Variants in PCSK5 observed in about 807,000 individuals in gnomAD.
PCSK5 encodes prohormone convertase 5.
PCSK5 carries 129 observed loss-of-function variants against 233.2 expected under a neutral mutation model. The ratio of observed to expected loss-of-function variants is 0.55; its 90% CI spans 0.48 to 0.64. PCSK5 has a LOEUF of 0.64. Among genes scored for constraint, PCSK5 ranks in the 30% least tolerant of loss-of-function variants. PCSK5 has a pLI of 0.00. For missense variants in PCSK5, 2,076 were observed against 2,430.1 expected (o/e 0.85, Z 3.06); for synonymous variants, 825 against 879.2 (o/e 0.94, Z 1.09).
At chr9:76,096,149 A>T (rs1831498052) in intron 8 of PCSK5, 47 bp downstream of exon 8, 2 of 1,206,916 alleles carry the variant, frequency 1.7e-6, no homozygotes, top group East Asian at 2.4e-5. Flanking sequence ...TTTAATGTTC[A>T]CTTTGAAATA....
At chr9:75,966,897 A>C (rs1398345943) in intron 2 of PCSK5, among the ~76,000 whole-genome samples, 1 of 152,092 alleles carries the variant, frequency 6.6e-6, no homozygotes, top group East Asian at 1.9e-4. Flanking sequence ...ACCCTTAAGC[A>C]CTTTATGTTA....
chr9:76,320,698 T>C (rs1229367254), intron 30 of PCSK5, among the ~76,000 whole-genome samples: 2 of 151,748 alleles, frequency 1.3e-5, no homozygotes, highest in Non-Finnish European at 2.9e-5. Context: ...AGTCTCAAAC[T>C]CCTGATCTCA....
intron 3 of PCSK5, among the ~76,000 whole-genome samples, chr9:76,000,819 G>A (rs1369954433): frequency 2.0e-5 from 3 of 152,000 alleles, no homozygotes; most frequent in Non-Finnish European, 4.4e-5. Flanking sequence ...TGTGACCCCA[G>A]TATATTCTTT....
chr9:76,169,212 T>C (rs1823222846), intron 12 of PCSK5, among the ~76,000 whole-genome samples: 1 of 152,218 alleles, frequency 6.6e-6, no homozygotes, highest in African/African-American at 2.4e-5. Flanking sequence ...TTATGAACAT[T>C]CATATGAAGT....
chr9:76,029,677 T>G (rs143222465), intron 5 of PCSK5, among the ~76,000 whole-genome samples: 1 of 152,292 alleles, frequency 6.6e-6, no homozygotes, highest in East Asian at 1.9e-4. Flanking sequence ...CTAATACCTA[T>G]GAGTTGGGTA....
chr9:76,053,143 G>A (rs1043080876), intron 5 of PCSK5, among the ~76,000 whole-genome samples: 1 of 152,200 alleles, frequency 6.6e-6, no homozygotes, highest in Non-Finnish European at 1.5e-5. Context: ...GGTGCAAGCT[G>A]TCAGTGTATC....
intron 25 of PCSK5, among the ~76,000 whole-genome samples, chr9:76,294,127 G>T (rs2131410781): frequency 6.6e-6 from 1 of 151,972 alleles, no homozygotes; most frequent in South Asian, 2.1e-4. Context: ...AACCCAGGAG[G>T]TGGAGGTGGC....
At chr9:76,319,236 G>A (rs1290554239) in intron 30 of PCSK5, among the ~76,000 whole-genome samples, 1 of 152,096 alleles carries the variant, frequency 6.6e-6, no homozygotes, top group Non-Finnish European at 1.5e-5. Flanking sequence ...AGGCCAAGGT[G>A]GGCGGATCAC....
chr9:76,231,893 G>A (rs763213730), intron 21 of PCSK5, among the ~76,000 whole-genome samples: 7 of 152,140 alleles, frequency 4.6e-5, no homozygotes, highest in Non-Finnish European at 7.4e-5. Flanking sequence ...ATGGTGCTGC[G>A]GATGGTTAAC....
intron 30 of PCSK5, among the ~76,000 whole-genome samples, chr9:76,311,869 G>A (rs906688969): frequency 2.0e-5 from 3 of 152,070 alleles, no homozygotes; most frequent in African/African-American, 4.8e-5. Flanking sequence ...CTCCAGACAC[G>A]GTCACCCCAT....
chr9:76,358,020 G>C (rs1326739527), intron 37 of PCSK5, among the ~76,000 whole-genome samples: 1 of 152,180 alleles, frequency 6.6e-6, no homozygotes, highest in Non-Finnish European at 1.5e-5. Flanking sequence ...ATTTTCTTAG[G>C]AGGGAAATAG....
chr9:76,353,279 A>G (rs1228857039), intron 36 of PCSK5, among the ~76,000 whole-genome samples: 6 of 152,188 alleles, frequency 3.9e-5, no homozygotes, highest in Non-Finnish European at 8.8e-5. Context: ...GTCAAGGAGC[A>G]ACTTGTCGGG....
chr9:76,198,467 C>T (rs1020738205), intron 20 of PCSK5, among the ~76,000 whole-genome samples: 4 of 152,146 alleles, frequency 2.6e-5, no homozygotes, highest in African/African-American at 9.7e-5. Context: ...GGCCGATAGA[C>T]ATTCATTTTC....
chr9:76,064,586 C>A (rs376323136), intron 5 of PCSK5, among the ~76,000 whole-genome samples: 1 of 143,966 alleles, frequency 6.9e-6, no homozygotes, highest in East Asian at 2.2e-4. Context: ...GGGTGGCTGC[C>A]GGGCGGAGAG....
chr9:76,082,963 C>G (rs1045205099), intron 7 of PCSK5, among the ~76,000 whole-genome samples: 32 of 152,004 alleles, frequency 2.1e-4, no homozygotes, highest in African/African-American at 6.3e-4. Context: ...TATAACAGCA[C>G]TCTGGGAGGC....
chr9:76,084,471 G>A (rs1233269884), intron 7 of PCSK5, among the ~76,000 whole-genome samples: 1 of 152,170 alleles, frequency 6.6e-6, no homozygotes, highest in Non-Finnish European at 1.5e-5. Context: ...AAATCCCTCT[G>A]TTAGACTATT....
intron 10 of PCSK5, among the ~76,000 whole-genome samples, chr9:76,138,272 T>C (rs567149380): frequency 6.6e-6 from 1 of 152,182 alleles, no homozygotes; most frequent in Non-Finnish European, 1.5e-5. Context: ...CCAGGTCATG[T>C]TAGATAAGTG....
chr9:76,138,107 A>C (rs1026218570), intron 10 of PCSK5, among the ~76,000 whole-genome samples: 4 of 152,200 alleles, frequency 2.6e-5, no homozygotes, highest in African/African-American at 9.6e-5. Flanking sequence ...ATGCCAACCC[A>C]ACACATGTTG....
chr9:76,175,556 A>G, intron 14 of PCSK5: 1 of 240,064 alleles, frequency 4.2e-6, no homozygotes, highest in Non-Finnish European at 7.9e-6. Context: ...AAACATCATT[A>G]TTTATCAATC....
Sources: allele counts gnomAD v4.1 joint callset (sites outside exome capture counted in the v4.1 genomes callset), GRCh38; gene constraint gnomAD v4.1.1; transcripts MANE v1.5; gene names NCBI Gene and HGNC (gene_info 2026-07-23, HGNC 2026-07-21).